Variants in CCSER1 observed in about 807,000 individuals in gnomAD.
The protein encoded by CCSER1 is coiled-coil serine rich protein 1.
A neutral mutation model predicts 82.0 loss-of-function variants in CCSER1; 41 were observed. The observed-to-expected ratio is 0.50, with a 90% CI of 0.39 to 0.65. The LOEUF (loss-of-function observed/expected upper bound fraction) is 0.65. Among genes scored for constraint, CCSER1 ranks in the 30% least tolerant of loss-of-function variants. The pLI is 0.00. For synonymous variants in CCSER1, 414 were observed against 383.9 expected, an observed-to-expected ratio of 1.08 and a Z score of -0.92; for missense variants, 1,119 against 1,064.2, an observed-to-expected ratio of 1.05 and a Z score of -0.72.
intron 9 of CCSER1, among the ~76,000 whole-genome samples, chr4:91,077,226 G>A (rs1207541906): frequency 7.9e-5 from 12 of 152,070 alleles, no homozygotes; most frequent in Non-Finnish European, 1.8e-4. Context: ...TAGGAACAGG[G>A]ATAAATTAAC....
chr4:91,113,005 G>A (rs1726215415), intron 10 of CCSER1, among the ~76,000 whole-genome samples: 1 of 152,102 alleles, frequency 6.6e-6, no homozygotes, highest in South Asian at 2.1e-4. Flanking sequence ...AGTACAAATG[G>A]CATCTCATTC....
intron 9 of CCSER1, among the ~76,000 whole-genome samples, chr4:90,987,728 A>C (rs933544967): frequency 6.6e-6 from 1 of 151,810 alleles, no homozygotes; most frequent in African/African-American, 2.4e-5. Flanking sequence ...CACAGGTCAT[A>C]GCAGCTTGCT....
At chr4:90,792,909 T>C (rs1755467360) in intron 7 of CCSER1, among the ~76,000 whole-genome samples, 2 of 152,188 alleles carry the variant, frequency 1.3e-5, no homozygotes, top group Admixed American at 1.3e-4. Flanking sequence ...CTGATAGGGC[T>C]GGTACCTGGA....
intron 10 of CCSER1, among the ~76,000 whole-genome samples, chr4:91,274,880 C>T (rs1393878395): frequency 6.6e-6 from 1 of 151,722 alleles, no homozygotes; most frequent in Non-Finnish European, 1.5e-5. Context: ...CTGAGGCGGG[C>T]GGATCACGAG....
intron 1 of CCSER1, among the ~76,000 whole-genome samples, chr4:90,248,872 G>GTT (rs34719673): frequency 6.6e-6 from 1 of 150,776 alleles, no homozygotes. Flanking sequence ...TAATTTTTGT[G>GTT]TTTTTTTTGT....
chr4:91,416,361 A>C (rs1753362408), intron 10 of CCSER1, among the ~76,000 whole-genome samples: 1 of 152,178 alleles, frequency 6.6e-6, no homozygotes, highest in African/African-American at 2.4e-5. Context: ...ACTATTTTAA[A>C]AATCAGATGG....
chr4:90,916,771 A>G (rs1727502593), intron 8 of CCSER1, among the ~76,000 whole-genome samples: 1 of 152,184 alleles, frequency 6.6e-6, no homozygotes, highest in Non-Finnish European at 1.5e-5. Flanking sequence ...TCATCTGACA[A>G]AGGGCTATTA....
intron 10 of CCSER1, among the ~76,000 whole-genome samples, chr4:91,496,264 T>C (rs1007268116): frequency 2.0e-5 from 3 of 151,328 alleles, no homozygotes; most frequent in Admixed American, 1.3e-4. Context: ...TGGTTGGTCA[T>C]TGAGAGCAAA....
At chr4:91,140,659 T>A (rs1446130380) in intron 10 of CCSER1, among the ~76,000 whole-genome samples, 1 of 152,150 alleles carries the variant, frequency 6.6e-6, no homozygotes, top group East Asian at 1.9e-4. Context: ...GTGACATGAT[T>A]TTTGCAATAA....
intron 10 of CCSER1, among the ~76,000 whole-genome samples, chr4:91,524,157 C>G (rs1387255557): frequency 6.6e-6 from 1 of 152,184 alleles, no homozygotes; most frequent in African/African-American, 2.4e-5. Context: ...GGTCATATGT[C>G]TCTTAAATTG....
At chr4:90,805,097 CTA>C (rs1757337585) in intron 7 of CCSER1, among the ~76,000 whole-genome samples, 1 of 151,456 alleles carries the variant, frequency 6.6e-6, no homozygotes, top group East Asian at 1.9e-4. Context: ...GAGTTTGTCT[CTA>C]TGTTTAGATG....
intron 5 of CCSER1, among the ~76,000 whole-genome samples, chr4:90,497,213 G>A (rs1031892276): frequency 2.0e-5 from 3 of 152,020 alleles, no homozygotes; most frequent in Non-Finnish European, 2.9e-5. Flanking sequence ...CTGAAAACCA[G>A]GCATATTGGA....
At chr4:91,573,159 G>C (rs1763275234) in intron 10 of CCSER1, among the ~76,000 whole-genome samples, 1 of 152,196 alleles carries the variant, frequency 6.6e-6, no homozygotes, top group African/African-American at 2.4e-5. Context: ...CTCCAACCCT[G>C]GTTGGCTTGT....
At chr4:90,789,566 C>A (rs1754958356) in intron 7 of CCSER1, among the ~76,000 whole-genome samples, 1 of 152,076 alleles carries the variant, frequency 6.6e-6, no homozygotes, top group African/African-American at 2.4e-5. Context: ...TCTCACTTCC[C>A]ACATGTCTTT....
At chr4:91,523,692 T>C (rs1226571346) in intron 10 of CCSER1, among the ~76,000 whole-genome samples, 1 of 152,214 alleles carries the variant, frequency 6.6e-6, no homozygotes, top group Non-Finnish European at 1.5e-5. Flanking sequence ...CTGATGGTAG[T>C]TTGTATGTCT....
At chr4:90,551,706 C>CTCTCTCTCTCTCTCTCTCTCTCTA in intron 5 of CCSER1, among the ~76,000 whole-genome samples, 7 of 104,240 alleles carry the variant, frequency 6.7e-5, no homozygotes, top group African/African-American at 1.8e-4. Flanking sequence ...CTCTCTCTCT[C>CTCTCTCTCTCTCTCTCTCTCTCTA]TATATATATA....
intron 10 of CCSER1, among the ~76,000 whole-genome samples, chr4:91,391,415 C>T (rs1751642750): frequency 6.6e-6 from 1 of 152,160 alleles, no homozygotes. Flanking sequence ...ATCCTTGAAC[C>T]TCAGCCATCA....
intron 4 of CCSER1, among the ~76,000 whole-genome samples, chr4:90,409,917 A>G (rs1292922060): frequency 6.6e-6 from 1 of 152,164 alleles, no homozygotes; most frequent in Non-Finnish European, 1.5e-5. Flanking sequence ...ATAGGCTCAA[A>G]ATAAAGGGAT....
rs113206696 is a variant in CCSER1 at position 91,602,767 on chromosome 4, A to G, written c.*3710A>G. Among the ~76,000 whole-genome samples, 138 of 152,186 alleles carry G rather than the reference A, an allele frequency of 9.1e-4. No homozygotes were observed. The highest frequency in any genetic ancestry group is 8.7e-3 in the East Asian group (45 of 5,182). On this transcript the variant is annotated 3_prime_UTR_variant, in exon 11 of 11. Coordinates refer to ENST00000509176, the MANE Select transcript of CCSER1 (RefSeq NM_001145065.2). ...GGCAATACATGTGAAGATGATATCT[A>G]TGATTGCCATTCATGTTACTGAATC... is the stretch of plus-strand genomic sequence containing the variant.
Sources: allele counts gnomAD v4.1 joint callset (sites outside exome capture counted in the v4.1 genomes callset), GRCh38; gene constraint gnomAD v4.1.1; transcripts MANE v1.5; gene names NCBI Gene and HGNC (gene_info 2026-07-23, HGNC 2026-07-21).